The following SLC16A10 variants were observed in gnomAD, a reference collection of about 807,000 sequenced individuals.
SLC16A10 encodes the protein solute carrier family 16 member 10, also known as monocarboxylate transporter 10.
SLC16A10 carries 27 observed loss-of-function variants against 40.0 expected under a neutral mutation model. That is an observed-to-expected ratio of 0.67 (90% confidence interval 0.50 to 0.93). The LOEUF (loss-of-function observed/expected upper bound fraction) is 0.93. SLC16A10 is among the 40% of genes least tolerant of loss of function. SLC16A10 has a pLI of 0.00. For missense variants in SLC16A10, 529 were observed against 658.2 expected (o/e 0.80, Z 2.15); for synonymous variants, 213 against 249.8 (o/e 0.85, Z 1.39).
At chr6:111,092,047 C>G (rs907958949) in intron 1 of SLC16A10, among the ~76,000 whole-genome samples, 1 of 151,908 alleles carries the variant, frequency 6.6e-6, no homozygotes, top group Admixed American at 6.6e-5. Flanking sequence ...ATTCTAAGGT[C>G]ATTTCAACAG....
intron 1 of SLC16A10, among the ~76,000 whole-genome samples, chr6:111,167,855 TG>T (rs199936130): frequency 6.6e-6 from 1 of 151,728 alleles, no homozygotes; most frequent in Non-Finnish European, 1.5e-5. Context: ...TATTTTTTTT[TG>T]TACAGATGGG....
intron 1 of SLC16A10, among the ~76,000 whole-genome samples, chr6:111,121,809 G>A (rs1186452324): frequency 6.6e-6 from 1 of 152,104 alleles, no homozygotes; most frequent in Non-Finnish European, 1.5e-5. Context: ...TTAATGCTCT[G>A]CTGTCAGCAT....
intron 4 of SLC16A10, among the ~76,000 whole-genome samples, chr6:111,217,895 A>G (rs1770796426): frequency 1.3e-5 from 2 of 152,222 alleles, no homozygotes; most frequent in Non-Finnish European, 1.5e-5. Flanking sequence ...TTAAATGTCC[A>G]TCTTTCCATA....
At chr6:111,102,759 G>A (rs142361091) in intron 1 of SLC16A10, among the ~76,000 whole-genome samples, 40 of 152,272 alleles carry the variant, frequency 2.6e-4, no homozygotes, top group South Asian at 2.3e-3. Context: ...TCATCCTTCA[G>A]AGGATCAAGT....
chr6:111,122,324 A>G (rs904212721), intron 1 of SLC16A10, among the ~76,000 whole-genome samples: 2 of 152,340 alleles, frequency 1.3e-5, no homozygotes, highest in East Asian at 3.9e-4. Flanking sequence ...AACTGCAGAG[A>G]CAAAGAAGAA....
At chr6:111,185,487 T>C (rs749887456) in intron 3 of SLC16A10, among the ~76,000 whole-genome samples, 52 of 152,228 alleles carry the variant, frequency 3.4e-4, no homozygotes, top group Non-Finnish European at 6.0e-4. Context: ...TGTTTTGATA[T>C]AATTAATGGG....
At chr6:111,189,655 G>A (rs1288390555) in intron 3 of SLC16A10, among the ~76,000 whole-genome samples, 1 of 152,124 alleles carries the variant, frequency 6.6e-6, no homozygotes, top group African/African-American at 2.4e-5. Flanking sequence ...GGAAGATGGA[G>A]GAGGATCAAA....
intron 1 of SLC16A10, among the ~76,000 whole-genome samples, chr6:111,126,413 G>A (rs1771675094): frequency 1.3e-5 from 2 of 152,036 alleles, no homozygotes; most frequent in Non-Finnish European, 2.9e-5. Flanking sequence ...GTTCATGCTT[G>A]TACAGTTGCA....
intron 1 of SLC16A10, among the ~76,000 whole-genome samples, chr6:111,121,779 A>G (rs1282623354): frequency 6.6e-6 from 1 of 152,202 alleles, no homozygotes; most frequent in African/African-American, 2.4e-5. Flanking sequence ...GGCTCTGCTC[A>G]GAAGGGTCCC....
In SLC16A10 at chr6:111,087,908, G is replaced by A. The variant is rs1320103964; in HGVS notation, c.156G>A (p.Gly52=). 6.3e-7 allele frequency: 1 copy of A among 1,582,294 alleles called. No individual in the cohort carries two copies. The highest frequency in any genetic ancestry group is 1.4e-5 in the African/African-American group (1 of 73,520). ...AVEKVEVELA[G]PATAEPHEPP... ...AGAAGGTGGAGGTGGAGCTGGCGGG[G>A]CCGGCGACCGCGGAGCCCCATGAGC... Residue 52 remains glycine, a synonymous_variant, in exon 1 of 6, where the codon GGG becomes GGA. Transcript: ENST00000368851.
At chr6:111,210,936 T>C (rs1773336669) in intron 4 of SLC16A10, among the ~76,000 whole-genome samples, 1 of 148,978 alleles carries the variant, frequency 6.7e-6, no homozygotes, top group South Asian at 2.1e-4. Flanking sequence ...GGCAGGAGAG[T>C]CGCTTGAATC....
chr6:111,142,122 C>T (rs74932795), intron 1 of SLC16A10, among the ~76,000 whole-genome samples: 1 of 152,174 alleles, frequency 6.6e-6, no homozygotes, highest in African/African-American at 2.4e-5. Context: ...TCAAGACTTA[C>T]TGTAAAGCTA....
intron 4 of SLC16A10, among the ~76,000 whole-genome samples, chr6:111,214,525 G>A (rs1773391535): frequency 6.6e-6 from 1 of 152,162 alleles, no homozygotes; most frequent in Admixed American, 6.6e-5. Flanking sequence ...TAAGGAATAG[G>A]TACGTTCTCA....
chr6:111,191,778 C>CT (rs556940526), intron 3 of SLC16A10, among the ~76,000 whole-genome samples: 14 of 151,612 alleles, frequency 9.2e-5, no homozygotes, highest in Middle Eastern at 3.4e-3. Flanking sequence ...CAGTGATGAT[C>CT]TTTTTTTTTA....
At chr6:111,123,943 G>A (rs940513820) in intron 1 of SLC16A10, among the ~76,000 whole-genome samples, 3 of 152,162 alleles carry the variant, frequency 2.0e-5, no homozygotes, top group Non-Finnish European at 4.4e-5. Context: ...CCCCAGAATT[G>A]AGGGTCAATC....
At chr6:111,098,160 G>C (rs1038460787) in intron 1 of SLC16A10, among the ~76,000 whole-genome samples, 3 of 152,106 alleles carry the variant, frequency 2.0e-5, no homozygotes, top group Admixed American at 6.6e-5. Flanking sequence ...TACTAAATTA[G>C]CCGGGCATGG....
chr6:111,093,213 AC>A (rs1771015711), intron 1 of SLC16A10, among the ~76,000 whole-genome samples: 3 of 152,214 alleles, frequency 2.0e-5, no homozygotes, highest in Non-Finnish European at 4.4e-5. Context: ...TTTGTCTCAC[AC>A]ACAAAAAAAG....
chr6:111,226,371 A>C lies in SLC16A10; in HGVS notation c.*4136A>C, dbSNP rs1770995939. The C allele has an allele frequency of 6.6e-6, 1 of 152,210 alleles. No homozygotes were observed. The highest frequency in any genetic ancestry group is 2.1e-4 in the South Asian group (1 of 4,832). The allele number at this position is 152,210 out of a possible 1,614,324, so 9.4% of individuals were successfully genotyped here. On this transcript the variant is annotated 3_prime_UTR_variant, in exon 6 of 6. Coordinates refer to ENST00000368851, the MANE Select transcript of SLC16A10 (RefSeq NM_018593.5). Reference sequence around the variant, plus strand: ...TCAGGGACCTTCCTTAGGTTAGGTTACATTTTCTGGTGAATGGTGTTAGAG... The same window carrying C: ...TCAGGGACCTTCCTTAGGTTAGGTTCCATTTTCTGGTGAATGGTGTTAGAG...
intron 1 of SLC16A10, among the ~76,000 whole-genome samples, chr6:111,150,685 T>C (rs1292845250): frequency 2.0e-5 from 3 of 152,130 alleles, no homozygotes; most frequent in African/African-American, 7.2e-5. Context: ...TGATTGAGCA[T>C]GCTCAGTTCT....
Sources: allele counts gnomAD v4.1 joint callset (sites outside exome capture counted in the v4.1 genomes callset), GRCh38; gene constraint gnomAD v4.1.1; transcripts MANE v1.5; gene names NCBI Gene and HGNC (gene_info 2026-07-23, HGNC 2026-07-21).